The following VGLL4 variants were observed in gnomAD, a reference collection of about 807,000 sequenced individuals.
VGLL4 encodes transcription cofactor vestigial-like protein 4.
VGLL4 carries 7 observed loss-of-function variants against 21.0 expected under a neutral mutation model. The observed-to-expected ratio is 0.33, with a 90% CI of 0.19 to 0.63. The LOEUF (loss-of-function observed/expected upper bound fraction) is 0.63. Among genes scored for constraint, VGLL4 ranks in the 20% least tolerant of loss-of-function variants. The pLI is 0.78. For missense variants in VGLL4, 394 were observed against 425.7 expected (o/e 0.93, Z 0.66); for synonymous variants, 222 against 173.2 (o/e 1.28, Z -2.21).
At chr3:11,644,004 T>TCC, upstream of VGLL4, 1 of 989,358 alleles carries the variant, frequency 1.0e-6, no homozygotes, top group Non-Finnish European at 1.2e-6. Flanking sequence ...AGGGAGGGCT[T>TCC]CTGCACAGGA....
At chr3:11,674,833 G>A (rs1428659195) in intron 2 of VGLL4, among the ~76,000 whole-genome samples, 3 of 152,028 alleles carry the variant, frequency 2.0e-5, no homozygotes, top group East Asian at 1.9e-4. Context: ...AACAGGAGGA[G>A]AAGAAAGTAA....
intron 1 of VGLL4, chr3:11,627,402 A>AC (rs1302193018): frequency 1.3e-5 from 2 of 150,776 alleles, no homozygotes; most frequent in East Asian, 3.9e-4. Flanking sequence ...ACATGGTGAA[A>AC]CCCCGTCTCT....
At chr3:11,574,209 G>A (rs569430795) in intron 2 of VGLL4, among the ~76,000 whole-genome samples, 5 of 152,260 alleles carry the variant, frequency 3.3e-5, no homozygotes, top group African/African-American at 1.2e-4. Flanking sequence ...TCCCTAGGCC[G>A]TACCCACCCG....
chr3:11,573,148 A>G (rs9852668), intron 2 of VGLL4, among the ~76,000 whole-genome samples: 2,697 of 150,332 alleles, frequency 0.018, 56 homozygotes, highest in South Asian at 0.049. Flanking sequence ...CCTGGGTGAC[A>G]GGGCAAGACT....
At chr3:11,630,281 T>G (rs938838009) in intron 1 of VGLL4, among the ~76,000 whole-genome samples, 2 of 152,178 alleles carry the variant, frequency 1.3e-5, no homozygotes, top group Middle Eastern at 3.2e-3. Context: ...GAGCAACACC[T>G]TAATATTGTC....
intron 2 of VGLL4, among the ~76,000 whole-genome samples, chr3:11,659,730 T>C (rs1223518130): frequency 2.6e-5 from 4 of 152,234 alleles, no homozygotes; most frequent in African/African-American, 9.6e-5. Context: ...GTTTGAGGAA[T>C]GCGGCATTCT....
chr3:11,690,163 T>G (rs1559946488), intron 2 of VGLL4, among the ~76,000 whole-genome samples: 1 of 152,176 alleles, frequency 6.6e-6, no homozygotes, highest in Non-Finnish European at 1.5e-5. Context: ...AATCCCCCCC[T>G]TTTCTTTTGC....
Position 11,557,704 on chromosome 3 carries a change from A to G in VGLL4, c.*852T>C, listed in dbSNP as rs117140049. 1 of 152,940 alleles carries G rather than the reference A, an allele frequency of 6.5e-6. No individual in the cohort carries two copies. The highest frequency in any genetic ancestry group is 1.9e-4 in the East Asian group (1 of 5,322). 9.5% of individuals were successfully genotyped at this position (152,940 alleles called of 1,614,324 possible). On this transcript the variant is annotated 3_prime_UTR_variant, in exon 5 of 5. Transcript: ENST00000430365. ...AAGGTTTTTGTTTACTGTCTATATA[A>G]TTAATAGAAACCAGCTATTTTTTCT...
chr3:11,689,877 T>C (rs1377909649), intron 2 of VGLL4, among the ~76,000 whole-genome samples: 4 of 152,074 alleles, frequency 2.6e-5, no homozygotes, highest in African/African-American at 9.7e-5. Context: ...GCCAAAACAG[T>C]CTCTCCTCCA....
rs2076224803 is a variant in VGLL4 at position 11,672,020 on chromosome 3, C to T, written c.64+30951G>A. On this transcript the variant is annotated intron_variant, in intron 2 of 5. Coordinates refer to the VGLL4 transcript ENST00000273038. Reference sequence around the variant, plus strand: ...CTTGCCAGGTAGATGCAACTCCTTTCTCCATTTGTTTATCTCCTGCAAAGC... The same window carrying T: ...CTTGCCAGGTAGATGCAACTCCTTTTTCCATTTGTTTATCTCCTGCAAAGC... 2.0e-5 allele frequency among the ~76,000 whole-genome samples: 3 copies of T among 152,298 alleles called. No homozygotes were observed. The South Asian group carries it at 6.2e-4, about 32-fold the overall frequency.
At chr3:11,681,468 C>G (rs2076370024) in intron 2 of VGLL4, among the ~76,000 whole-genome samples, 1 of 152,196 alleles carries the variant, frequency 6.6e-6, no homozygotes, top group African/African-American at 2.4e-5. Context: ...GCGTTGGGAG[C>G]CCGCTGTGAT....
Position 11,656,583 on chromosome 3 carries a change from A to G in VGLL4, c.64+46388T>C, listed in dbSNP as rs545490730. ...AGAGCTGAGATGTCCACTGGGGTGC[A>G]GTAGCTGAGGTCAGTAACTCCTATA... On this transcript the variant is annotated intron_variant, in intron 2 of 5. Coordinates refer to the VGLL4 transcript ENST00000273038. 3.0e-4 allele frequency among the ~76,000 whole-genome samples: 46 copies of G among 152,308 alleles called. 1 individual carries two copies. The highest frequency in any genetic ancestry group is 1.0e-3 in the African/African-American group (43 of 41,572).
At chr3:11,629,985 CAA>C (rs111749448) in intron 1 of VGLL4, among the ~76,000 whole-genome samples, 3,255 of 152,196 alleles carry the variant, frequency 0.021, 99 homozygotes, top group African/African-American at 0.072. Flanking sequence ...AAAGTGTTCT[CAA>C]AAAAGAGTCT....
At chr3:11,638,020 G>A (rs190331478) in intron 1 of VGLL4, among the ~76,000 whole-genome samples, 2 of 152,190 alleles carry the variant, frequency 1.3e-5, no homozygotes, top group Admixed American at 1.3e-4. Context: ...AACATTCCCT[G>A]GTCCGACTGT....
At chr3:11,572,477 A>G (rs966814482) in intron 2 of VGLL4, among the ~76,000 whole-genome samples, 1 of 152,186 alleles carries the variant, frequency 6.6e-6, no homozygotes, top group Non-Finnish European at 1.5e-5. Context: ...TCTGGCCATG[A>G]TGAAAGCAGC....
chr3:11,572,494 T>C (rs973224515), intron 2 of VGLL4, among the ~76,000 whole-genome samples: 54 of 152,192 alleles, frequency 3.5e-4, no homozygotes, highest in African/African-American at 1.3e-3. Context: ...CAGCAGAACA[T>C]GCAGACGCAT....
intron 1 of VGLL4, among the ~76,000 whole-genome samples, chr3:11,620,529 C>T (rs917906898): frequency 6.6e-6 from 1 of 152,182 alleles, no homozygotes; most frequent in Non-Finnish European, 1.5e-5. Context: ...TACGTAAAAC[C>T]TTTGCTTGCA....
intron 2 of VGLL4, among the ~76,000 whole-genome samples, chr3:11,593,612 TGAAAG>T: frequency 1.3e-5 from 2 of 151,468 alleles, no homozygotes; most frequent in Non-Finnish European, 2.9e-5. Context: ...CAATGAAGGA[TGAAAG>T]GACAATGCAA....
Position 11,558,454 on chromosome 3 carries a change from T to A in VGLL4, c.*102A>T. 18 of 1,064,148 alleles carry A rather than the reference T, an allele frequency of 1.7e-5. No individual in the cohort carries two copies. The highest frequency in any genetic ancestry group is 2.7e-5 in the Admixed American group (1 of 37,450). The allele number at this position is 1,064,148 out of a possible 1,614,324, so 65.9% of individuals were successfully genotyped here. A position where few individuals can be genotyped will look rare whatever the true frequency, so the allele number is the denominator to read the frequency against. ...TTTGCAAATAAACCATCCCTTCCCT[T>A]CCCCCCACCCCACCCCCATGATTTT... On this transcript the variant is annotated 3_prime_UTR_variant, in exon 5 of 5. Transcript: ENST00000430365.
Sources: allele counts gnomAD v4.1 joint callset (sites outside exome capture counted in the v4.1 genomes callset), GRCh38; gene constraint gnomAD v4.1.1; transcripts MANE v1.5; gene names NCBI Gene and HGNC (gene_info 2026-07-23, HGNC 2026-07-21).